Variants in NRP1 observed in about 807,000 individuals in gnomAD.
NRP1 encodes the protein neuropilin 1, also known as neuropilin-1.
NRP1 carries 35 observed loss-of-function variants against 106.7 expected under a neutral mutation model. The ratio of observed to expected loss-of-function variants is 0.33; its 90% CI spans 0.25 to 0.43. The LOEUF is 0.43. NRP1 is among the 20% of genes least tolerant of loss of function. The pLI is 1.00. For synonymous variants in NRP1, 437 were observed against 417.9 expected (o/e 1.05, Z -0.56); for missense variants, 1,024 against 1,170.4 (o/e 0.87, Z 1.83).
At chr10:33,280,871 A>C (rs1844071095) in intron 2 of NRP1, among the ~76,000 whole-genome samples, 1 of 151,824 alleles carries the variant, frequency 6.6e-6, no homozygotes, top group South Asian at 2.1e-4. Flanking sequence ...AGTCCTAGCT[A>C]CTTGCGGGGC....
chr10:33,192,478 AGGGT>A, intron 12 of NRP1, 60 bp from the exon 13 acceptor site: 1 of 1,565,100 alleles, frequency 6.4e-7, no homozygotes, highest in Non-Finnish European at 8.8e-7. Flanking sequence ...TTGATCATTT[AGGGT>A]CACAAAGGCC....
intron 6 of NRP1, among the ~76,000 whole-genome samples, chr10:33,238,111 T>C (rs1337612153): frequency 6.6e-6 from 1 of 152,214 alleles, no homozygotes; most frequent in Admixed American, 6.5e-5. Context: ...TCTGCTAAAA[T>C]GTGTGGCTTC....
chr10:33,250,433 T>A (rs1461478751), intron 6 of NRP1, among the ~76,000 whole-genome samples: 1 of 152,202 alleles, frequency 6.6e-6, no homozygotes, highest in Non-Finnish European at 1.5e-5. Flanking sequence ...GAAGCTAAGC[T>A]TTTGTGACTT....
chr10:33,330,988 G>A, intron 1 of NRP1, 106 bp from the exon 2 acceptor site: 1 of 1,016,792 alleles, frequency 9.8e-7, no homozygotes, highest in Non-Finnish European at 1.4e-6. Context: ...CTTTTTAAGG[G>A]GAACTCTAAA....
intron 6 of NRP1, among the ~76,000 whole-genome samples, chr10:33,235,856 T>C (rs1257819613): frequency 6.6e-6 from 1 of 152,264 alleles, no homozygotes; most frequent in African/African-American, 2.4e-5. Context: ...TTGTTTTACA[T>C]TTTTAAGACA....
At chr10:33,325,336 G>A (rs1847811982) in intron 2 of NRP1, among the ~76,000 whole-genome samples, 1 of 151,988 alleles carries the variant, frequency 6.6e-6, no homozygotes, top group Non-Finnish European at 1.5e-5. Context: ...GATACAAAAA[G>A]CCAAAAACTC....
chr10:33,188,172 C>T (rs543478488), intron 13 of NRP1, among the ~76,000 whole-genome samples: 2 of 152,180 alleles, frequency 1.3e-5, no homozygotes, highest in East Asian at 1.9e-4. Context: ...ATACACCCAT[C>T]GTGCCTCTGT....
chr10:33,278,396 G>A (rs912925892), intron 2 of NRP1, among the ~76,000 whole-genome samples: 16 of 152,094 alleles, frequency 1.1e-4, no homozygotes, highest in African/African-American at 3.9e-4. Flanking sequence ...CCACAGAGCT[G>A]GGAAGAACGT....
chr10:33,296,832 C>G (rs550109536), intron 2 of NRP1, among the ~76,000 whole-genome samples: 420 of 152,074 alleles, frequency 2.8e-3, no homozygotes, highest in Non-Finnish European at 4.9e-3. Context: ...AGTTCAAGAC[C>G]AGTATGGCCA....
intron 13 of NRP1, among the ~76,000 whole-genome samples, chr10:33,190,977 G>T (rs1836369484): frequency 6.6e-6 from 1 of 152,076 alleles, no homozygotes; most frequent in Admixed American, 6.6e-5. Flanking sequence ...CAGACTCTGA[G>T]TAGCTGGGAC....
At chr10:33,190,925 G>A (rs1836363177) in intron 13 of NRP1, among the ~76,000 whole-genome samples, 1 of 151,962 alleles carries the variant, frequency 6.6e-6, no homozygotes. Flanking sequence ...GTGATCATAG[G>A]TCACTGCAGC....
At chr10:33,221,922 T>A (rs1360860500) in intron 7 of NRP1, 59 bp from the exon 8 acceptor site, 2 of 1,546,972 alleles carry the variant, frequency 1.3e-6, no homozygotes, top group Non-Finnish European at 1.8e-6. Flanking sequence ...AATCCATAAA[T>A]GTGTTTTCAC....
At chr10:33,284,634 T>C (rs369092206) in intron 2 of NRP1, among the ~76,000 whole-genome samples, 5 of 152,344 alleles carry the variant, frequency 3.3e-5, no homozygotes, top group African/African-American at 1.2e-4. Context: ...CTTTCTAATC[T>C]ATTGTGTTTA....
At chr10:33,284,532 A>C (rs1452794389) in intron 2 of NRP1, among the ~76,000 whole-genome samples, 2 of 152,184 alleles carry the variant, frequency 1.3e-5, no homozygotes, top group African/African-American at 4.8e-5. Flanking sequence ...TGAAATTGTC[A>C]TGTTTAAAAA....
intron 2 of NRP1, 63 bp downstream of exon 2, chr10:33,330,645 C>T (rs908470609): frequency 7.0e-7 from 1 of 1,436,988 alleles, no homozygotes; most frequent in African/African-American, 1.4e-5. Context: ...GACTTCCCCC[C>T]CGTAGACAGG....
intron 10 of NRP1, among the ~76,000 whole-genome samples, chr10:33,204,485 G>T (rs1837604183): frequency 6.6e-6 from 1 of 152,204 alleles, no homozygotes; most frequent in Non-Finnish European, 1.5e-5. Context: ...AAGCCAGATA[G>T]TTGTCTTTCT....
intron 2 of NRP1, among the ~76,000 whole-genome samples, chr10:33,327,787 C>T (rs1847994644): frequency 6.6e-6 from 1 of 152,128 alleles, no homozygotes; most frequent in Admixed American, 6.5e-5. Flanking sequence ...CACCCTTCAA[C>T]ACTGAGCACT....
At chr10:33,226,341 C>T (rs576420496) in intron 6 of NRP1, 52 bp from the exon 7 acceptor site, 3 of 1,591,014 alleles carry the variant, frequency 1.9e-6, no homozygotes, top group African/African-American at 2.7e-5. Context: ...AGCACAGTAA[C>T]CCAAAGCATC....
Position 33,186,394 on chromosome 10 carries a change from G to T in NRP1, c.2157C>A (p.Ala719=), listed in dbSNP as rs371557485. ...TGTGATACCAGAAGGTCATGCAGTG[G>T]GCAGAGTTCTGGGAATAAACCACAG... is the stretch of plus-strand genomic sequence containing the variant. The part of the protein sequence containing the change: ...VSPVVYSQNS[A]HCMTFWYHMS... Residue 719 remains alanine (A), a synonymous_variant, in exon 14 of 17, where the codon GCC becomes GCA. Transcript: ENST00000374867. 25 of 1,614,026 alleles carry T rather than the reference G, an allele frequency of 1.5e-5. No individual in the cohort carries two copies. The highest frequency in any genetic ancestry group is 2.0e-5 in the Non-Finnish European group (24 of 1,180,052).
Sources: gnomAD v4.1 joint callset for allele counts (sites outside exome capture counted in the v4.1 genomes callset) on GRCh38, gnomAD v4.1.1 for gene constraint, MANE v1.5 for transcripts, NCBI Gene and HGNC (gene_info 2026-07-23, HGNC 2026-07-21) for gene names.